Variants in LRRC4C observed in about 807,000 individuals in gnomAD.
The protein encoded by LRRC4C is leucine-rich repeat-containing protein 4C.
A neutral mutation model predicts 33.6 loss-of-function variants in LRRC4C; 5 were observed. The ratio of observed to expected loss-of-function variants is 0.15; its 90% CI spans 0.08 to 0.31. LRRC4C has a LOEUF of 0.31. Ranked by LOEUF, LRRC4C falls within the 10% of genes least tolerant of loss-of-function variation. The pLI is 1.00. For missense variants in LRRC4C, 560 were observed against 796.7 expected, an observed-to-expected ratio of 0.70 and a Z score of 3.58; for synonymous variants, 329 against 302.0, an observed-to-expected ratio of 1.09 and a Z score of -0.93.
intron 1 of LRRC4C, among the ~76,000 whole-genome samples, chr11:40,990,863 T>C (rs2137243882): frequency 6.6e-6 from 1 of 152,182 alleles, no homozygotes; most frequent in South Asian, 2.1e-4. Flanking sequence ...GTATTCTGTG[T>C]GATGAAATGT....
At chr11:41,383,041 G>A (rs1460680133) in intron 1 of LRRC4C, among the ~76,000 whole-genome samples, 5 of 152,052 alleles carry the variant, frequency 3.3e-5, no homozygotes, top group African/African-American at 1.2e-4. Flanking sequence ...GCATTAAAAT[G>A]AGGTGGAATG....
At chr11:41,073,497 G>A (rs1027172024) in intron 1 of LRRC4C, among the ~76,000 whole-genome samples, 1 of 152,144 alleles carries the variant, frequency 6.6e-6, no homozygotes, top group Admixed American at 6.6e-5. Context: ...TTCAACATGT[G>A]ATTTGGTGGG....
chr11:40,446,143 C>T (rs1951625035), intron 3 of LRRC4C: 1 of 152,174 alleles, frequency 6.6e-6, no homozygotes, highest in Non-Finnish European at 1.5e-5. Context: ...TGAGGTCTCT[C>T]CCATATGACT....
intron 3 of LRRC4C, among the ~76,000 whole-genome samples, chr11:40,608,245 A>G (rs1960837640): frequency 6.6e-6 from 1 of 152,192 alleles, no homozygotes; most frequent in South Asian, 2.1e-4. Flanking sequence ...ACATTAATAA[A>G]TTGTGGGGGG....
chr11:40,806,956 G>A (rs1012098464), intron 2 of LRRC4C, among the ~76,000 whole-genome samples: 2 of 151,492 alleles, frequency 1.3e-5, no homozygotes, highest in African/African-American at 4.9e-5. Context: ...GAGTTGAGTA[G>A]GATTAAAAAA....
intron 1 of LRRC4C, among the ~76,000 whole-genome samples, chr11:41,319,916 A>C (rs1393443472): frequency 6.6e-6 from 1 of 152,186 alleles, no homozygotes; most frequent in African/African-American, 2.4e-5. Context: ...GCATGGAATT[A>C]TTTTAATGTG....
rs144343830 is a variant in LRRC4C at position 41,046,512 on chromosome 11, T to A, written c.-495-112789A>T. ...GGAAAAGAGATTAAAGACATCACTC[T>A]TGTTAAAAATGTTATAATGATTGGG... On this transcript the variant is annotated intron_variant, in intron 1 of 6. Coordinates refer to ENST00000528697, the MANE Select transcript of LRRC4C (RefSeq NM_001258419.2). Among the ~76,000 whole-genome samples the A allele has an allele frequency of 7.8e-3, 1,188 of 152,266 alleles. 25 individuals are homozygous for A. The highest frequency in any genetic ancestry group is 0.027 in the African/African-American group (1,142 of 41,548).
chr11:41,213,658 C>A (rs1488029594), intron 1 of LRRC4C, among the ~76,000 whole-genome samples: 2 of 152,172 alleles, frequency 1.3e-5, no homozygotes, highest in African/African-American at 4.8e-5. Flanking sequence ...ACAGACATCA[C>A]ATGTTAGAGA....
chr11:41,176,004 C>T (rs144202512), intron 1 of LRRC4C, among the ~76,000 whole-genome samples: 40 of 152,254 alleles, frequency 2.6e-4, no homozygotes, highest in African/African-American at 8.7e-4. Context: ...ACTCGTCCTA[C>T]GCATTCCCTG....
chr11:40,589,295 G>C (rs944350485), intron 3 of LRRC4C, among the ~76,000 whole-genome samples: 6 of 152,034 alleles, frequency 3.9e-5, no homozygotes, highest in Admixed American at 2.6e-4. Context: ...GACTAGGATT[G>C]CAATCCCTGC....
chr11:40,689,602 T>A (rs1945130364), intron 2 of LRRC4C, among the ~76,000 whole-genome samples: 1 of 152,112 alleles, frequency 6.6e-6, no homozygotes, highest in South Asian at 2.1e-4. Context: ...TTGAAGAGGA[T>A]TCTTCTCAAA....
At chr11:40,371,796 G>C (rs1391798706) in intron 3 of LRRC4C, among the ~76,000 whole-genome samples, 1 of 152,174 alleles carries the variant, frequency 6.6e-6, no homozygotes, top group Non-Finnish European at 1.5e-5. Flanking sequence ...GCACAAATGG[G>C]TCAGAACAAA....
chr11:40,558,822 C>A (rs188908372), intron 3 of LRRC4C, among the ~76,000 whole-genome samples: 1 of 151,994 alleles, frequency 6.6e-6, no homozygotes, highest in Non-Finnish European at 1.5e-5. Flanking sequence ...AGCCCAGTAC[C>A]CAACAGTAAT....
At position 40,712,723 on chromosome 11, in the gene LRRC4C, G is replaced by T. The variant is rs200860669; in HGVS notation, c.-406-64445C>A. ...CCACCTTAAAAAACCTTTACAAAGA[G>T]ATTTTGGTTTGCACCAGAAACATAC... On this transcript the variant is annotated intron_variant, in intron 2 of 6. Coordinates refer to ENST00000528697, the MANE Select transcript of LRRC4C (RefSeq NM_001258419.2). 4.6e-5 allele frequency among the ~76,000 whole-genome samples: 7 copies of T among 152,230 alleles called. No homozygotes were observed. In the East Asian group the frequency reaches 1.4e-3, roughly 29 times the overall value.
chr11:40,461,171 A>G (rs1952380097), intron 3 of LRRC4C, among the ~76,000 whole-genome samples: 1 of 152,188 alleles, frequency 6.6e-6, no homozygotes, highest in Non-Finnish European at 1.5e-5. Context: ...AGCTTATTCA[A>G]GAGTACATTA....
chr11:40,167,681 A>G (rs11035722), intron 5 of LRRC4C, among the ~76,000 whole-genome samples: 64,954 of 151,914 alleles, frequency 0.43, 14,189 homozygotes, highest in South Asian at 0.53. Context: ...GCTTAAGCCT[A>G]GAGCTCTTTT....
chr11:40,827,905 T>A (rs1952235448), intron 2 of LRRC4C, among the ~76,000 whole-genome samples: 1 of 151,756 alleles, frequency 6.6e-6, no homozygotes, highest in South Asian at 2.1e-4. Context: ...AGAGGCATGA[T>A]CTTTTCTAGA....
chr11:40,311,871 G>T (rs1945325758), intron 4 of LRRC4C, among the ~76,000 whole-genome samples: 1 of 151,234 alleles, frequency 6.6e-6, no homozygotes, highest in Admixed American at 6.6e-5. Flanking sequence ...CTTGAACCTG[G>T]GTGGCGGAAG....
chr11:40,640,741 G>A (rs905041349), intron 3 of LRRC4C, among the ~76,000 whole-genome samples: 2 of 151,970 alleles, frequency 1.3e-5, no homozygotes, highest in East Asian at 1.9e-4. Context: ...TTGGCCAGGC[G>A]CCATGGCTCA....
Sources: allele counts gnomAD v4.1 joint callset (sites outside exome capture counted in the v4.1 genomes callset), GRCh38; gene constraint gnomAD v4.1.1; transcripts MANE v1.5; gene names NCBI Gene and HGNC (gene_info 2026-07-23, HGNC 2026-07-21).